The following MERTK variants were observed in gnomAD, a reference collection of about 807,000 sequenced individuals.
MERTK encodes the protein MER proto-oncogene, tyrosine kinase.
MERTK carries 69 observed loss-of-function variants against 99.3 expected under a neutral mutation model. That is an observed-to-expected ratio of 0.70 (90% CI 0.57 to 0.85). MERTK has a LOEUF of 0.85. Ranked by LOEUF, MERTK falls within the 40% of genes least tolerant of loss-of-function variation. The probability of loss-of-function intolerance (pLI) is 0.00; values close to 1 mark genes in which losing one functional copy is unlikely to be tolerated. For synonymous variants in MERTK, 426 were observed against 467.6 expected (o/e 0.91, Z 1.15); for missense variants, 1,125 against 1,249.4 (o/e 0.90, Z 1.50).
At chr2:112,017,473 CAT>C (rs1176143977) in intron 15 of MERTK, among the ~76,000 whole-genome samples, 1 of 151,956 alleles carries the variant, frequency 6.6e-6, no homozygotes. Context: ...CTACTAAAAA[CAT>C]AAAAATTACC....
chr2:111,986,766 C>A (rs1457324194), intron 8 of MERTK, among the ~76,000 whole-genome samples: 1 of 152,210 alleles, frequency 6.6e-6, no homozygotes, highest in Non-Finnish European at 1.5e-5. Context: ...GATGCCAGAT[C>A]ATCCCAGTGA....
intron 2 of MERTK, among the ~76,000 whole-genome samples, chr2:111,939,372 T>G (rs1684820380): frequency 6.6e-6 from 1 of 152,012 alleles, no homozygotes; most frequent in Admixed American, 6.6e-5. Context: ...CATGACCCAA[T>G]CACCTCTTAA....
At chr2:111,975,611 A>C (rs1676231297) in intron 7 of MERTK, 139 bp downstream of exon 7, 1 of 913,320 alleles carries the variant, frequency 1.1e-6, no homozygotes, top group Non-Finnish European at 1.8e-6. Context: ...GAGGCGACTG[A>C]TGAAAATGGG....
intron 15 of MERTK, chr2:112,015,773 T>G (rs890358925): frequency 6.5e-6 from 1 of 154,224 alleles, no homozygotes; most frequent in Admixed American, 6.5e-5. Flanking sequence ...TTTCTCCTAT[T>G]TCTTTTCTAA....
At chr2:111,970,829 C>CTCCTTCTCCTCCTT (rs1676104192) in intron 6 of MERTK, among the ~76,000 whole-genome samples, 1 of 115,216 alleles carries the variant, frequency 8.7e-6, no homozygotes, top group African/African-American at 3.4e-5. Context: ...CCTCCTCCTC[C>CTCCTTCTCCTCCTT]CTCCTCCTTC....
intron 13 of MERTK, among the ~76,000 whole-genome samples, chr2:112,006,597 C>T (rs2104409950): frequency 6.6e-6 from 1 of 152,274 alleles, no homozygotes; most frequent in East Asian, 1.9e-4. Context: ...CCCACTTTTT[C>T]TCTGGCTTGA....
In MERTK at chr2:111,994,307, A is replaced by G. The variant is rs35981104; in HGVS notation, c.1353A>G (p.Gln451=). 1,928 of 1,614,184 alleles carry G rather than the reference A, an allele frequency of 1.2e-3. 18 individuals carry two copies. In the African/African-American group the frequency reaches 0.023, roughly 19 times the overall value. The change falls in exon 9 of 19, where the codon CAA becomes CAG. Residue 451 remains glutamine, a synonymous_variant. Coordinates refer to ENST00000295408, the MANE Select transcript of MERTK (RefSeq NM_006343.3). ...GCAGCCGAGCTCGGATCTCTGTTCA[A>G]GTCCACAATGCTACGTGCACAGTGA... ...QNGSRARISV[Q]VHNATCTVRI...
intron 7 of MERTK, among the ~76,000 whole-genome samples, chr2:111,980,876 T>C (rs1157488667): frequency 6.6e-6 from 1 of 152,190 alleles, no homozygotes; most frequent in Non-Finnish European, 1.5e-5. Context: ...TTTTCAGCTT[T>C]CAAATATGTG....
At chr2:111,948,273 G>C (rs1376765104) in intron 4 of MERTK, among the ~76,000 whole-genome samples, 1 of 152,166 alleles carries the variant, frequency 6.6e-6, no homozygotes, top group African/African-American at 2.4e-5. Flanking sequence ...TGGAAACACT[G>C]TCCTGGCTTC....
intron 2 of MERTK, chr2:111,940,224 C>T: frequency 4.3e-6 from 1 of 232,922 alleles, no homozygotes; most frequent in South Asian, 8.2e-5. Context: ...TATTGATTTC[C>T]AAACATGCCG....
At chr2:111,939,507 G>A (rs945247005) in intron 2 of MERTK, among the ~76,000 whole-genome samples, 33 of 151,792 alleles carry the variant, frequency 2.2e-4, no homozygotes, top group African/African-American at 8.0e-4. Flanking sequence ...TTTGAGACAG[G>A]GTCTCACTCT....
intron 18 of MERTK, chr2:112,022,622 G>C (rs1677378298): frequency 2.6e-6 from 2 of 773,506 alleles, no homozygotes; most frequent in Non-Finnish European, 4.6e-6. Context: ...CATCCAAAGG[G>C]CCTCAGTCTC....
At chr2:112,019,616 A>C in intron 16 of MERTK, 94 bp downstream of exon 16, 2 of 953,450 alleles carry the variant, frequency 2.1e-6, no homozygotes, top group Non-Finnish European at 3.4e-6. Context: ...TTAGATAGGC[A>C]AGGAAGCTGC....
In MERTK at chr2:112,010,015, C is replaced by T. The variant is rs56225811; in HGVS notation, c.2028C>T (p.Tyr676=). Reference sequence around the variant, plus strand: ...TGGTAATTTTACCCTTCATGAAATACGGGGACCTGCATACTTACTTACTTT... The same window carrying T: ...TGGTAATTTTACCCTTCATGAAATATGGGGACCTGCATACTTACTTACTTT... ...KPMVILPFMK[Y]GDLHTYLLYS... Residue 676 remains tyrosine, a synonymous_variant, in exon 15 of 19, where the codon TAC becomes TAT. Transcript: ENST00000295408. The T allele has an allele frequency of 1.2e-3, 1,939 of 1,613,742 alleles. 31 individuals are homozygous for T. The African/African-American group carries it at 0.022, about 19-fold the overall frequency.
intron 1 of MERTK, among the ~76,000 whole-genome samples, chr2:111,905,292 A>G (rs1684116481): frequency 6.6e-6 from 1 of 152,126 alleles, no homozygotes; most frequent in African/African-American, 2.4e-5. Flanking sequence ...TCTGACAGGC[A>G]CTAGGATCTA....
Position 112,028,699 on chromosome 2 carries a change from C to G in MERTK, c.2835C>G (p.Pro945=), listed in dbSNP as rs768506814. The change falls in exon 19 of 19, where the codon CCC becomes CCG. Residue 945 remains proline (P), a synonymous_variant. Coordinates refer to ENST00000295408, the MANE Select transcript of MERTK (RefSeq NM_006343.3). The stretch of plus-strand genomic sequence containing the variant: ...AATGGGAAGATCTGACTTCTGCCCC[C>G]TCTGCTGCAGTCACAGCTGAAAAGA... ...SEEWEDLTSA[P]SAAVTAEKNS... The G allele has an allele frequency of 1.5e-5, 25 of 1,614,202 alleles. No homozygotes were observed. Among genetic ancestry groups the G allele is most frequent in the Non-Finnish European group, 1.9e-5 (23 of 1,180,040 alleles).
In MERTK at chr2:112,026,991, A is replaced by T. The variant is rs182093745; in HGVS notation, c.2487-1360A>T. ...TATCAGTTTCTCAAAACAGAAAAGCATCAAAATGAAATGATGCCTAGGCAT... is the reference window on the plus strand; with the variant it reads ...TATCAGTTTCTCAAAACAGAAAAGCTTCAAAATGAAATGATGCCTAGGCAT... On this transcript the variant is annotated intron_variant, in intron 18 of 18. Transcript: ENST00000295408. Among the ~76,000 whole-genome samples, 6 of 152,316 alleles carry T rather than the reference A, an allele frequency of 3.9e-5. No individual in the cohort carries two copies. In the East Asian group the frequency reaches 1.2e-3, roughly 29 times the overall value.
At chr2:112,023,180 C>T (rs1049310592) in intron 18 of MERTK, among the ~76,000 whole-genome samples, 1 of 151,996 alleles carries the variant, frequency 6.6e-6, no homozygotes, top group Non-Finnish European at 1.5e-5. Context: ...TTTGGGAGGC[C>T]GACGCGGGTG....
In MERTK at chr2:111,975,478, T is replaced by G; in HGVS notation, c.1144+6T>G. ...AGCCAGCACGACTGAAGGAGGTAAT[T>G]CCTGGGGTTCAGAATGTATATTGCC... On this transcript the variant is annotated splice_donor_region_variant and intron_variant, in intron 7 of 18. Transcript: ENST00000295408. The G allele has an allele frequency of 6.2e-7, 1 of 1,613,894 alleles. No individual in the cohort carries two copies. The highest frequency in any genetic ancestry group is 8.5e-7 in the Non-Finnish European group (1 of 1,179,786).
Sources: gnomAD v4.1 joint callset for allele counts (sites outside exome capture counted in the v4.1 genomes callset) on GRCh38, gnomAD v4.1.1 for gene constraint, MANE v1.5 for transcripts, NCBI Gene and HGNC (gene_info 2026-07-23, HGNC 2026-07-21) for gene names.